ZC3H8: variants seen among roughly 807,000 people sequenced by gnomAD.
ZC3H8 encodes zinc finger CCCH-type containing 8.
Under a neutral mutation model 42.5 loss-of-function variants are expected in ZC3H8, and 27 were observed. The observed-to-expected ratio is 0.64, with a 90% CI of 0.47 to 0.88. The LOEUF is 0.88. ZC3H8 is among the 40% of genes least tolerant of loss of function. The probability of loss-of-function intolerance (pLI) is 0.00; values close to 1 mark genes in which losing one functional copy is unlikely to be tolerated. For synonymous variants in ZC3H8, 101 were observed against 110.1 expected (o/e 0.92, Z 0.52); for missense variants, 277 against 336.1 (o/e 0.82, Z 1.37).
At chr2:112,249,791 G>T (rs1685886577) in intron 2 of ZC3H8, among the ~76,000 whole-genome samples, 1 of 152,156 alleles carries the variant, frequency 6.6e-6, no homozygotes, top group South Asian at 2.1e-4. Flanking sequence ...TGTTATGGCA[G>T]CCCTAATGAA....
chr2:112,241,096 T>C (rs1440170952), intron 2 of ZC3H8, among the ~76,000 whole-genome samples: 1 of 151,696 alleles, frequency 6.6e-6, no homozygotes, highest in Non-Finnish European at 1.5e-5. Context: ...AAAAGGAAGT[T>C]ATGCTCTAAA....
At chr2:112,224,553 TA>T (rs1684733280) in intron 8 of ZC3H8, among the ~76,000 whole-genome samples, 5 of 152,212 alleles carry the variant, frequency 3.3e-5, no homozygotes, top group Admixed American at 3.3e-4. Context: ...GACTTGAACA[TA>T]AATGTTCGCT....
At chr2:112,249,734 G>A (rs938632255) in intron 2 of ZC3H8, among the ~76,000 whole-genome samples, 9 of 152,128 alleles carry the variant, frequency 5.9e-5, no homozygotes, top group Admixed American at 2.6e-4. Context: ...GTGAGCCACC[G>A]CGCCCAGCCA....
Position 112,233,388 on chromosome 2 carries a change from A to G in ZC3H8, c.622-17T>C, listed in dbSNP as rs1420611710. On this transcript the variant is annotated splice_polypyrimidine_tract_variant and intron_variant, in intron 5 of 8. Coordinates refer to ENST00000409573, the MANE Select transcript of ZC3H8 (RefSeq NM_032494.3). The stretch of plus-strand genomic sequence containing the variant: ...CTGGTCTCCCTAGGCCAAAAGAAGG[A>G]GCAAGGAAAAGCCATTATTTCTCAT... 6.9e-7 allele frequency: 1 copy of G among 1,459,230 alleles called. No individual in the cohort carries two copies. Among genetic ancestry groups the G allele is most frequent in the Non-Finnish European group, 9.4e-7 (1 of 1,064,504 alleles). 90.4% of individuals were successfully genotyped at this position (1,459,230 alleles called of 1,614,324 possible).
chr2:112,243,998 G>T (rs956184093), intron 2 of ZC3H8, among the ~76,000 whole-genome samples: 10 of 141,098 alleles, frequency 7.1e-5, no homozygotes, highest in Non-Finnish European at 1.1e-4. Flanking sequence ...TAGAAACAGA[G>T]GAAATATCTT....
At chr2:112,229,853 G>T (rs1465158367) in intron 8 of ZC3H8, among the ~76,000 whole-genome samples, 1 of 149,062 alleles carries the variant, frequency 6.7e-6, no homozygotes, top group Non-Finnish European at 1.5e-5. Flanking sequence ...TCATGACAGG[G>T]AATAATTTCT....
intron 4 of ZC3H8, 120 bp downstream of exon 4, chr2:112,236,442 C>A: frequency 7.3e-7 from 1 of 1,372,426 alleles, no homozygotes; most frequent in Non-Finnish European, 9.8e-7. Context: ...CATCCGAAAA[C>A]CGATTCTGTG....
chr2:112,251,187 C>A (rs1558935328), intron 1 of ZC3H8, among the ~76,000 whole-genome samples: 1 of 152,146 alleles, frequency 6.6e-6, no homozygotes, highest in East Asian at 1.9e-4. Context: ...CAGATAAAGG[C>A]AAGGAATTGG....
chr2:112,235,960 A>AGGAGTGACCAGGC (rs1445670347), intron 4 of ZC3H8, among the ~76,000 whole-genome samples: 4 of 150,320 alleles, frequency 2.7e-5, no homozygotes, highest in African/African-American at 9.8e-5. Context: ...AAAAAAATCA[A>AGGAGTGACCAGGC]GGAGTGACCA....
At position 112,247,780 on chromosome 2, in the gene ZC3H8, G is replaced by C. The variant is rs528820939; in HGVS notation, c.156+2411C>G. Among the ~76,000 whole-genome samples, 145 of 152,276 alleles carry C rather than the reference G, an allele frequency of 9.5e-4. 1 individual carries two copies. In the South Asian group the frequency reaches 0.011, roughly 12 times the overall value. The stretch of plus-strand genomic sequence containing the variant: ...TTGTTTCTGCCTGTCTGCTGTGGAA[G>C]GTTATAATATATAATACGAAGTCTG... On this transcript the variant is annotated intron_variant, in intron 2 of 8. Transcript: ENST00000409573.
chr2:112,239,340 A>T (rs1325140033), intron 2 of ZC3H8, among the ~76,000 whole-genome samples: 5 of 152,254 alleles, frequency 3.3e-5, no homozygotes, highest in African/African-American at 1.2e-4. Context: ...CATTTTAATC[A>T]GAAAGTTTAT....
intron 8 of ZC3H8, among the ~76,000 whole-genome samples, chr2:112,227,782 G>A (rs74527181): frequency 4.0e-5 from 6 of 151,822 alleles, no homozygotes; most frequent in Admixed American, 3.9e-4. Flanking sequence ...CTGTACACTT[G>A]TACAGTGAAA....
intron 7 of ZC3H8, 72 bp from the exon 8 acceptor site, chr2:112,231,022 T>C: frequency 1.0e-6 from 1 of 955,014 alleles, no homozygotes; most frequent in South Asian, 2.2e-5. Context: ...GTCATATTCA[T>C]AACTTTCAAA....
intron 2 of ZC3H8, among the ~76,000 whole-genome samples, chr2:112,248,933 G>T (rs1455246240): frequency 6.6e-6 from 1 of 152,042 alleles, no homozygotes; most frequent in East Asian, 1.9e-4. Flanking sequence ...AGTCGCTCAG[G>T]CCTGTAATCC....
intron 1 of ZC3H8, chr2:112,254,037 G>A: frequency 2.3e-6 from 2 of 858,244 alleles, no homozygotes; most frequent in South Asian, 5.3e-5. Flanking sequence ...AAACGAGGAC[G>A]GCATCATCTT....
chr2:112,241,144 A>G (rs1174225628), intron 2 of ZC3H8, among the ~76,000 whole-genome samples: 1 of 152,078 alleles, frequency 6.6e-6, no homozygotes, highest in Non-Finnish European at 1.5e-5. Context: ...TGGGGCTATA[A>G]ATGAGAATGA....
At chr2:112,230,774 T>G (rs1364406903) in intron 8 of ZC3H8, 129 bp downstream of exon 8, 1 of 550,146 alleles carries the variant, frequency 1.8e-6, no homozygotes, top group African/African-American at 2.0e-5. Flanking sequence ...ATCAAATATT[T>G]TATAATTCTT....
chr2:112,230,732 G>C, intron 8 of ZC3H8, 171 bp downstream of exon 8: 1 of 294,646 alleles, frequency 3.4e-6, no homozygotes, highest in South Asian at 5.1e-5. Context: ...AAGGAAGCAG[G>C]CTGATGTAGA....
At chr2:112,224,305 G>A (rs1459496462) in intron 8 of ZC3H8, among the ~76,000 whole-genome samples, 1 of 152,126 alleles carries the variant, frequency 6.6e-6, no homozygotes, top group Non-Finnish European at 1.5e-5. Context: ...CTCTGGTCAT[G>A]TCAAAAAGAA....
Sources: gnomAD v4.1 joint callset for allele counts (sites outside exome capture counted in the v4.1 genomes callset) on GRCh38, gnomAD v4.1.1 for gene constraint, MANE v1.5 for transcripts, NCBI Gene and HGNC (gene_info 2026-07-23, HGNC 2026-07-21) for gene names.